The following EIF3E variants were observed in gnomAD, a reference collection of about 807,000 sequenced individuals.
EIF3E encodes the protein eukaryotic translation initiation factor 3 subunit E.
A neutral mutation model predicts 59.3 loss-of-function variants in EIF3E; 25 were observed. The observed-to-expected ratio is 0.42, with a 90% CI of 0.31 to 0.59. EIF3E has a LOEUF of 0.59. Among genes scored for constraint, EIF3E ranks in the 20% least tolerant of loss-of-function variants. The pLI, the probability that EIF3E is intolerant of heterozygous loss-of-function variation, is 0.15. For synonymous variants in EIF3E, 176 were observed against 170.2 expected (o/e 1.03, Z -0.26); for missense variants, 317 against 534.3 (o/e 0.59, Z 4.01).
chr8:108,241,426 T>A (rs1563638005), intron 2 of EIF3E, among the ~76,000 whole-genome samples: 1 of 151,294 alleles, frequency 6.6e-6, no homozygotes. Flanking sequence ...CTACACTAGA[T>A]GCCTCAAAAT....
intron 1 of EIF3E, among the ~76,000 whole-genome samples, chr8:108,247,328 T>G (rs766083547): frequency 6.6e-6 from 1 of 152,208 alleles, no homozygotes; most frequent in Non-Finnish European, 1.5e-5. Flanking sequence ...TTTCAAAATA[T>G]AGCATTTTTA....
At chr8:108,204,710 T>C (rs1015794608) in intron 10 of EIF3E, among the ~76,000 whole-genome samples, 7 of 146,912 alleles carry the variant, frequency 4.8e-5, no homozygotes, top group Non-Finnish European at 7.5e-5. Flanking sequence ...CCTGGAGCTA[T>C]ATACTATATA....
chr8:108,238,574 T>A (rs1815779833), intron 3 of EIF3E, among the ~76,000 whole-genome samples: 1 of 152,234 alleles, frequency 6.6e-6, no homozygotes, highest in African/African-American at 2.4e-5. Context: ...ATATTTTCAA[T>A]CTGCAGTTGG....
intron 7 of EIF3E, chr8:108,226,337 G>A (rs1815516514): frequency 6.6e-6 from 1 of 152,054 alleles, no homozygotes. Flanking sequence ...GGGATTACAG[G>A]TGCCTACCAC....
rs1025405648 is a variant in EIF3E at position 108,202,572 on chromosome 8, T to G, written c.1299+411A>C. Among the ~76,000 whole-genome samples the G allele has an allele frequency of 3.3e-5, 5 of 152,062 alleles. No homozygotes were observed. The South Asian group carries it at 1.0e-3, about 31-fold the overall frequency. On this transcript the variant is annotated intron_variant, in intron 12 of 12. Transcript: ENST00000220849. Reference sequence around the variant, plus strand: ...AATGAAATTTGTATAAGATCAGCACTAATACATATAATAAGATCAACATTT... The same window carrying G: ...AATGAAATTTGTATAAGATCAGCACGAATACATATAATAAGATCAACATTT...
intron 5 of EIF3E, among the ~76,000 whole-genome samples, chr8:108,234,128 A>G (rs1439426457): frequency 2.0e-5 from 3 of 152,030 alleles, no homozygotes; most frequent in Non-Finnish European, 4.4e-5. Flanking sequence ...CACCTCCCAG[A>G]TTCAAGGGAT....
chr8:108,204,356 A>C (rs1322412092), intron 10 of EIF3E, among the ~76,000 whole-genome samples: 1 of 152,088 alleles, frequency 6.6e-6, no homozygotes, highest in Non-Finnish European at 1.5e-5. Flanking sequence ...AAACCATGGA[A>C]TACTACTCAG....
chr8:108,244,664 A>G (rs1464572174), intron 1 of EIF3E, among the ~76,000 whole-genome samples: 8 of 152,010 alleles, frequency 5.3e-5, no homozygotes, highest in Non-Finnish European at 1.2e-4. Flanking sequence ...TAATTTTTGT[A>G]ATACCCTTTT....
In EIF3E at chr8:108,240,014, TTC is replaced by T; in HGVS notation, c.265_266del (p.Glu89ThrfsTer7). On this transcript the variant is annotated frameshift_variant, in exon 3 of 13. Coordinates refer to ENST00000220849, the MANE Select transcript of EIF3E (RefSeq NM_001568.3). LOFTEE classifies it high-confidence loss of function. The part of the protein sequence containing the change: ...AQLKQLQAET[E>X]PIVKMFEDPE... ...GATCTTCAAACATCTTCACAATTGG[TTC>T]TGTTTCTGCCTGAAGCTGTTTCAGT... is the stretch of plus-strand genomic sequence containing the variant. The T allele has an allele frequency of 6.2e-7, 1 of 1,614,106 alleles. No individual in the cohort carries two copies. The highest frequency in any genetic ancestry group is 8.5e-7 in the Non-Finnish European group (1 of 1,179,990).
At chr8:108,246,580 G>A (rs1815954018) in intron 1 of EIF3E, among the ~76,000 whole-genome samples, 1 of 152,024 alleles carries the variant, frequency 6.6e-6, no homozygotes, top group Non-Finnish European at 1.5e-5. Flanking sequence ...GGACGACAAG[G>A]GTTTGAACCA....
At chr8:108,242,733 T>A (rs1815861855) in intron 1 of EIF3E, 2 of 974,452 alleles carry the variant, frequency 2.1e-6, no homozygotes, top group Non-Finnish European at 2.5e-6. Context: ...GCAATTGAAA[T>A]GGCTAAAAGA....
intron 2 of EIF3E, among the ~76,000 whole-genome samples, chr8:108,240,629 A>C (rs991882496): frequency 2.0e-5 from 3 of 152,210 alleles, no homozygotes; most frequent in African/African-American, 7.2e-5. Flanking sequence ...TATACTATGA[A>C]AAGGTGGAGA....
intron 10 of EIF3E, among the ~76,000 whole-genome samples, chr8:108,204,158 A>G (rs1377842189): frequency 6.6e-6 from 1 of 152,090 alleles, no homozygotes; most frequent in Non-Finnish European, 1.5e-5. Context: ...TCCCCCAAGG[A>G]TATCAAGGGA....
At chr8:108,235,404 A>G (rs936388041) in intron 4 of EIF3E, among the ~76,000 whole-genome samples, 1 of 152,220 alleles carries the variant, frequency 6.6e-6, no homozygotes, top group South Asian at 2.1e-4. Context: ...CTGGATTCGC[A>G]TAAGGAGCGT....
intron 7 of EIF3E, chr8:108,226,075 C>T (rs1815511048): frequency 6.6e-6 from 1 of 151,922 alleles, no homozygotes; most frequent in African/African-American, 2.4e-5. Context: ...AAAATTGTTT[C>T]ATTATTCATT....
At position 108,248,706 on chromosome 8, in the gene EIF3E, G is replaced by T; in HGVS notation, c.-4C>A. 1 of 1,614,100 alleles carries T rather than the reference G, an allele frequency of 6.2e-7. No homozygotes were observed. The stretch of plus-strand genomic sequence containing the variant: ...TAGTCAAGTCGTACTCCGCCATCTT[G>T]CCAAAGAAAAGGGAGTCTGTGCTCA... On this transcript the variant is annotated 5_prime_UTR_variant, in exon 1 of 13. Transcript: ENST00000220849.
At chr8:108,216,281 C>CT in intron 9 of EIF3E, 131 bp downstream of exon 9, 3 of 686,266 alleles carry the variant, frequency 4.4e-6, no homozygotes, top group Non-Finnish European at 7.1e-6. Context: ...CCATTTAGGC[C>CT]TTTTTAAGAT....
At chr8:108,226,525 G>T (rs1376065090) in intron 7 of EIF3E, among the ~76,000 whole-genome samples, 1 of 152,024 alleles carries the variant, frequency 6.6e-6, no homozygotes, top group African/African-American at 2.4e-5. Flanking sequence ...CAGTGTAAAC[G>T]GGTTCCAAGA....
At chr8:108,226,800 A>G (rs1815524168) in intron 7 of EIF3E, among the ~76,000 whole-genome samples, 1 of 152,182 alleles carries the variant, frequency 6.6e-6, no homozygotes, top group Admixed American at 6.5e-5. Flanking sequence ...ATCATTTAAA[A>G]ACAAAGCAAA....
Sources: gnomAD v4.1 joint callset for allele counts (sites outside exome capture counted in the v4.1 genomes callset) on GRCh38, gnomAD v4.1.1 for gene constraint, MANE v1.5 for transcripts, NCBI Gene and HGNC (gene_info 2026-07-23, HGNC 2026-07-21) for gene names.